CYP7B1: variants seen among roughly 807,000 people sequenced by gnomAD.
CYP7B1 encodes the protein cytochrome P450 family 7 subfamily B member 1, also known as cytochrome P450 7B1.
Under a neutral mutation model 42.7 loss-of-function variants are expected in CYP7B1, and 29 were observed. That is an observed-to-expected ratio of 0.68 (90% CI 0.51 to 0.93). CYP7B1 has a LOEUF of 0.93. Among genes scored for constraint, CYP7B1 ranks in the 40% least tolerant of loss-of-function variants. The pLI, the probability that CYP7B1 is intolerant of heterozygous loss-of-function variation, is 0.00. For missense variants in CYP7B1, 655 were observed against 600.5 expected (o/e 1.09, Z -0.95); for synonymous variants, 235 against 218.2 (o/e 1.08, Z -0.68).
At chr8:64,618,833 T>C (rs1481497763) in intron 2 of CYP7B1, among the ~76,000 whole-genome samples, 1 of 152,176 alleles carries the variant, frequency 6.6e-6, no homozygotes, top group Non-Finnish European at 1.5e-5. Flanking sequence ...TAACTTCATT[T>C]GTTTGTAGAT....
intron 1 of CYP7B1, among the ~76,000 whole-genome samples, chr8:64,729,711 T>A (rs1246716399): frequency 6.6e-6 from 1 of 152,186 alleles, no homozygotes; most frequent in African/African-American, 2.4e-5. Flanking sequence ...GGGGTAAGCA[T>A]CTTGCCTATG....
Position 64,776,549 on chromosome 8 carries a change from T to G in CYP7B1, c.122+21917A>C, listed in dbSNP as rs1804329850. Reference sequence around the variant, plus strand: ...CATATAAACACAGTACTTGAGACAATTCAATCGTGTTCCTTTTTATAAGAA... The same window carrying G: ...CATATAAACACAGTACTTGAGACAAGTCAATCGTGTTCCTTTTTATAAGAA... On this transcript the variant is annotated intron_variant, in intron 1 of 5. Coordinates refer to ENST00000310193, the MANE Select transcript of CYP7B1 (RefSeq NM_004820.5). Among the ~76,000 whole-genome samples, 3 of 152,128 alleles carry G rather than the reference T, an allele frequency of 2.0e-5. No homozygotes were observed. In the South Asian group the frequency reaches 6.2e-4, roughly 31 times the overall value.
chr8:64,715,499 T>A (rs190994397), intron 1 of CYP7B1, among the ~76,000 whole-genome samples: 18 of 152,338 alleles, frequency 1.2e-4, no homozygotes, highest in Admixed American at 9.8e-4. Flanking sequence ...AGTCACTTTA[T>A]TCCTCCTTAT....
chr8:64,632,206 T>C (rs1457073712), intron 1 of CYP7B1, among the ~76,000 whole-genome samples: 1 of 152,016 alleles, frequency 6.6e-6, no homozygotes, highest in Non-Finnish European at 1.5e-5. Context: ...ATAAGGAAAA[T>C]TTGGTATAAA....
Position 64,641,874 on chromosome 8 carries a change from C to T in CYP7B1, c.123-17335G>A, listed in dbSNP as rs1585825585. Among the ~76,000 whole-genome samples, 16 of 152,108 alleles carry T rather than the reference C, an allele frequency of 1.1e-4. 1 individual carries two copies. The highest frequency in any genetic ancestry group is 1.0e-3 in the Admixed American group (16 of 15,260). On this transcript the variant is annotated intron_variant, in intron 1 of 5. Transcript: ENST00000310193. ...AAAAACATCACACACAGAATATTCTCCTTAAATCTGGAAACTGGAAGGAAG... is the reference window on the plus strand; with the variant it reads ...AAAAACATCACACACAGAATATTCTTCTTAAATCTGGAAACTGGAAGGAAG...
intron 4 of CYP7B1, among the ~76,000 whole-genome samples, chr8:64,608,135 C>T (rs970684707): frequency 1.3e-5 from 2 of 152,184 alleles, no homozygotes; most frequent in African/African-American, 4.8e-5. Flanking sequence ...TTAAGTATCC[C>T]TTCTAAGTGA....
intron 1 of CYP7B1, among the ~76,000 whole-genome samples, chr8:64,717,093 T>C (rs1379144768): frequency 6.6e-6 from 1 of 152,244 alleles, no homozygotes; most frequent in Non-Finnish European, 1.5e-5. Flanking sequence ...TAATATGCCT[T>C]GTTCTGAAGT....
At position 64,664,522 on chromosome 8, in the gene CYP7B1, C is replaced by T. The variant is rs190014558; in HGVS notation, c.123-39983G>A. ...GACTTAGGAGAGGTAAGACACTTGT[C>T]TCTCATTACTCAGTAGGGAAGCTGG... On this transcript the variant is annotated intron_variant, in intron 1 of 5. Coordinates refer to ENST00000310193, the MANE Select transcript of CYP7B1 (RefSeq NM_004820.5). Among the ~76,000 whole-genome samples, 3 of 152,280 alleles carry T rather than the reference C, an allele frequency of 2.0e-5. No homozygotes were observed. The East Asian group carries it at 5.8e-4, about 29-fold the overall frequency.
chr8:64,754,293 AG>A (rs1807775218), intron 1 of CYP7B1, among the ~76,000 whole-genome samples: 1 of 152,302 alleles, frequency 6.6e-6, no homozygotes, highest in South Asian at 2.1e-4. Flanking sequence ...CAAAAAATGC[AG>A]GGTATCTTGA....
intron 1 of CYP7B1, among the ~76,000 whole-genome samples, chr8:64,760,690 T>G (rs1807876213): frequency 6.6e-6 from 1 of 151,978 alleles, no homozygotes; most frequent in Admixed American, 6.6e-5. Flanking sequence ...TATCAAAATA[T>G]AAGAAATAAC....
intron 1 of CYP7B1, among the ~76,000 whole-genome samples, chr8:64,672,095 T>C (rs990940246): frequency 6.6e-6 from 1 of 152,174 alleles, no homozygotes; most frequent in East Asian, 1.9e-4. Context: ...GTAATTTACA[T>C]AGTATGCACT....
In CYP7B1 at chr8:64,798,459, C is replaced by A. The variant is rs767628204; in HGVS notation, c.122+7G>T. The A allele has an allele frequency of 6.0e-6, 9 of 1,510,706 alleles. No individual in the cohort carries two copies. In the South Asian group the frequency reaches 9.8e-5, roughly 16 times the overall value. 93.6% of individuals were successfully genotyped at this position (1,510,706 alleles called of 1,614,324 possible). A position where few individuals can be genotyped will look rare whatever the true frequency, so the allele number is the denominator to read the frequency against. ...CGCATGCGTGGCCTGGCGGCCGAGG[C>A]GCTTACCTGGTGCGCCGGACAAGCA... On this transcript the variant is annotated splice_region_variant and intron_variant, in intron 1 of 5. Transcript: ENST00000310193.
rs1426778116 is a variant in CYP7B1 at position 64,764,237 on chromosome 8, C to G, written c.122+34229G>C. Among the ~76,000 whole-genome samples the G allele has an allele frequency of 3.6e-5, 5 of 138,926 alleles. No homozygotes were observed. The South Asian group carries it at 1.4e-3, about 38-fold the overall frequency. The allele number at this position is 138,926 out of a possible 152,430, so 91.1% of individuals were successfully genotyped here. ...TACCCAGCTTCCACGCTGCCCCCCC[C>G]ACCCCCTTCCCCCGCCCCCTGCAAT... On this transcript the variant is annotated intron_variant, in intron 1 of 5. Coordinates refer to ENST00000310193, the MANE Select transcript of CYP7B1 (RefSeq NM_004820.5).
At chr8:64,756,108 T>C (rs1007478951) in intron 1 of CYP7B1, among the ~76,000 whole-genome samples, 1 of 152,192 alleles carries the variant, frequency 6.6e-6, no homozygotes, top group Non-Finnish European at 1.5e-5. Context: ...CTAGCTTCCA[T>C]GGTAGTGCCC....
intron 1 of CYP7B1, among the ~76,000 whole-genome samples, chr8:64,749,071 T>TC (rs1157662327): frequency 9.9e-5 from 15 of 151,982 alleles, no homozygotes; most frequent in African/African-American, 3.4e-4. Context: ...TTTTTTATTT[T>TC]CTTTTTTTTC....
intron 1 of CYP7B1, among the ~76,000 whole-genome samples, chr8:64,697,596 C>G (rs1275419749): frequency 6.6e-6 from 1 of 152,132 alleles, no homozygotes; most frequent in African/African-American, 2.4e-5. Context: ...GAAGGAAGAA[C>G]TAATAGCGCA....
chr8:64,739,426 A>G (rs1454508642), intron 1 of CYP7B1, among the ~76,000 whole-genome samples: 2 of 152,230 alleles, frequency 1.3e-5, no homozygotes, highest in Non-Finnish European at 2.9e-5. Context: ...CGAGAACACT[A>G]GAGGAAGTTG....
chr8:64,636,900 C>G (rs548024387), intron 1 of CYP7B1, among the ~76,000 whole-genome samples: 2 of 152,314 alleles, frequency 1.3e-5, no homozygotes, highest in African/African-American at 4.8e-5. Flanking sequence ...TTTGTAATTT[C>G]TGAGATGATC....
At chr8:64,777,900 A>G (rs1049620100) in intron 1 of CYP7B1, among the ~76,000 whole-genome samples, 1 of 151,950 alleles carries the variant, frequency 6.6e-6, no homozygotes, top group Non-Finnish European at 1.5e-5. Context: ...AAAAAAATAA[A>G]ATTTTCAAAG....
Sources: allele counts gnomAD v4.1 joint callset (sites outside exome capture counted in the v4.1 genomes callset), GRCh38; gene constraint gnomAD v4.1.1; transcripts MANE v1.5; gene names NCBI Gene and HGNC (gene_info 2026-07-23, HGNC 2026-07-21).